ARFIP1: variants seen among roughly 807,000 people sequenced by gnomAD.
The protein encoded by ARFIP1 is arfaptin-1.
Under a neutral mutation model 42.5 loss-of-function variants are expected in ARFIP1, and 24 were observed. The observed-to-expected ratio is 0.57, with a 90% CI of 0.41 to 0.80. The LOEUF (loss-of-function observed/expected upper bound fraction) is 0.80, where lower values mean the gene tolerates loss of function less well. Among genes scored for constraint, ARFIP1 ranks in the 30% least tolerant of loss-of-function variants. The probability of loss-of-function intolerance (pLI) is 0.00; values close to 1 mark genes in which losing one functional copy is unlikely to be tolerated. For missense variants in ARFIP1, 354 were observed against 434.0 expected (o/e 0.82, Z 1.64); for synonymous variants, 141 against 153.7 (o/e 0.92, Z 0.61).
At chr4:152,821,465 A>G (rs1730361048) in intron 1 of ARFIP1, among the ~76,000 whole-genome samples, 1 of 152,212 alleles carries the variant, frequency 6.6e-6, no homozygotes, top group Admixed American at 6.5e-5. Flanking sequence ...ATTAAAAGAA[A>G]TGAACAAAGT....
chr4:152,845,262 A>G lies in ARFIP1; in HGVS notation c.93+15536A>G, dbSNP rs74768618. On this transcript the variant is annotated intron_variant, in intron 2 of 8. Transcript: ENST00000353617. The stretch of plus-strand genomic sequence containing the variant: ...GACCTCAAAGTATAAAAATCCTACA[A>G]GAAAACCTAGGAAACACCATCTGGC... Among the ~76,000 whole-genome samples, 1,034 of 152,342 alleles carry G rather than the reference A, an allele frequency of 6.8e-3. 8 individuals carry two copies. The highest frequency in any genetic ancestry group is 0.023 in the African/African-American group (970 of 41,584).
intron 5 of ARFIP1, among the ~76,000 whole-genome samples, chr4:152,873,796 C>T (rs1031170395): frequency 2.0e-5 from 3 of 152,162 alleles, no homozygotes; most frequent in Non-Finnish European, 2.9e-5. Flanking sequence ...AACGTGGGTT[C>T]GCTCCTGCTT....
At chr4:152,880,678 T>C (rs1735762501) in intron 5 of ARFIP1, among the ~76,000 whole-genome samples, 1 of 152,242 alleles carries the variant, frequency 6.6e-6, no homozygotes, top group Non-Finnish European at 1.5e-5. Flanking sequence ...CTGTTTTAGA[T>C]AATCTACCCA....
intron 1 of ARFIP1, among the ~76,000 whole-genome samples, chr4:152,815,252 T>C (rs893211983): frequency 6.6e-6 from 1 of 152,222 alleles, no homozygotes. Context: ...ATTTGCATAC[T>C]GTCAGTGGCT....
At chr4:152,895,447 T>A (rs1404826233) in intron 8 of ARFIP1, among the ~76,000 whole-genome samples, 1 of 151,512 alleles carries the variant, frequency 6.6e-6, no homozygotes, top group Admixed American at 6.6e-5. Flanking sequence ...AGTGCAGTGG[T>A]GCAGTCATAG....
At chr4:152,819,358 T>C (rs1730169463) in intron 1 of ARFIP1, among the ~76,000 whole-genome samples, 1 of 152,214 alleles carries the variant, frequency 6.6e-6, no homozygotes, top group African/African-American at 2.4e-5. Context: ...ATTACTGCTA[T>C]GCTGGCATTT....
rs1561108582 is a variant in ARFIP1, at chr4:152,804,271, T to TATATAATATAACATGTATTATATATA, written c.-10+24050_-10+24051insATATAACATGTATTATATATAATATA. On this transcript the variant is annotated intron_variant, in intron 1 of 8. Coordinates refer to ENST00000353617, the MANE Select transcript of ARFIP1 (RefSeq NM_001025595.3). ...ATAATATAACATGTATTATATATTA[T>TATATAATATAACATGTATTATATATA]ATATATAACATAACATGTATTATAT... Among the ~76,000 whole-genome samples, 9 of 58,822 alleles carry TATATAATATAACATGTATTATATATA rather than the reference T, an allele frequency of 1.5e-4. 1 individual carries two copies. Among genetic ancestry groups the TATATAATATAACATGTATTATATATA allele is most frequent in the African/African-American group, 8.8e-4 (9 of 10,212 alleles). 38.6% of individuals were successfully genotyped at this position (58,822 alleles called of 152,430 possible).
intron 1 of ARFIP1, among the ~76,000 whole-genome samples, chr4:152,812,495 T>C (rs968879110): frequency 6.6e-6 from 1 of 152,212 alleles, no homozygotes. Context: ...TCTGGCCTTC[T>C]CTTCCTTTTA....
chr4:152,808,283 A>ATTTTTTTTTTTTTTTTTTTTTT lies in ARFIP1; in HGVS notation c.-9-21329_-9-21308dup, dbSNP rs61135783. On this transcript the variant is annotated intron_variant, in intron 1 of 8. Transcript: ENST00000353617. ...GTGTGAGCCACCACGCCTGGCCTCC[A>ATTTTTTTTTTTTTTTTTTTTTT]TTTTTTTTTTTTTTTTTTTTTTTTT... is the stretch of plus-strand genomic sequence containing the variant. 3.7e-3 allele frequency among the ~76,000 whole-genome samples: 76 copies of ATTTTTTTTTTTTTTTTTTTTTT among 20,310 alleles called. 16 individuals carry two copies. Among genetic ancestry groups the ATTTTTTTTTTTTTTTTTTTTTT allele is most frequent in the Non-Finnish European group, 4.7e-3 (47 of 10,038 alleles). 13.3% of individuals were successfully genotyped at this position (20,310 alleles called of 152,430 possible). A position where few individuals can be genotyped will look rare whatever the true frequency, so the allele number is the denominator to read the frequency against.
intron 1 of ARFIP1, among the ~76,000 whole-genome samples, chr4:152,792,359 G>A (rs575154508): frequency 1.3e-5 from 2 of 152,188 alleles, no homozygotes; most frequent in South Asian, 4.1e-4. Context: ...GAAGACTTAT[G>A]TGTGTTGTTT....
chr4:152,855,702 G>T (rs956574993), intron 2 of ARFIP1, among the ~76,000 whole-genome samples: 4 of 152,132 alleles, frequency 2.6e-5, no homozygotes, highest in Admixed American at 6.5e-5. Context: ...TTCCTTTCTG[G>T]GGCAGTGCCA....
intron 8 of ARFIP1, among the ~76,000 whole-genome samples, chr4:152,895,989 GT>G (rs1737290016): frequency 6.6e-6 from 1 of 152,156 alleles, no homozygotes; most frequent in African/African-American, 2.4e-5. Flanking sequence ...AATACAAGCT[GT>G]GGTAAGTGTG....
At chr4:152,894,300 GTATT>G (rs1737125063) in intron 8 of ARFIP1, among the ~76,000 whole-genome samples, 2 of 151,738 alleles carry the variant, frequency 1.3e-5, no homozygotes, top group Non-Finnish European at 2.9e-5. Flanking sequence ...GAGGGCAGAA[GTATT>G]CTTTGCTTAC....
chr4:152,804,807 A>C (rs1031913485), intron 1 of ARFIP1, among the ~76,000 whole-genome samples: 1 of 152,078 alleles, frequency 6.6e-6, no homozygotes, highest in Non-Finnish European at 1.5e-5. Flanking sequence ...AATGTGAAAA[A>C]CATAGACTAG....
intron 2 of ARFIP1, among the ~76,000 whole-genome samples, chr4:152,845,588 A>G (rs1461797283): frequency 6.6e-6 from 1 of 152,202 alleles, no homozygotes; most frequent in African/African-American, 2.4e-5. Flanking sequence ...TAGCCAACAA[A>G]CATATGAAAA....
chr4:152,808,265 C>T (rs1053211797), intron 1 of ARFIP1, among the ~76,000 whole-genome samples: 2 of 113,220 alleles, frequency 1.8e-5, no homozygotes, highest in Admixed American at 8.9e-5. Flanking sequence ...CAGGTGTGAG[C>T]CACCACGCCT....
intron 1 of ARFIP1, among the ~76,000 whole-genome samples, chr4:152,797,524 G>A (rs1430290507): frequency 6.6e-6 from 1 of 152,032 alleles, no homozygotes; most frequent in Admixed American, 6.6e-5. Flanking sequence ...GTATTGTATC[G>A]AATTTATAAA....
intron 1 of ARFIP1, among the ~76,000 whole-genome samples, chr4:152,807,846 G>A (rs554063551): frequency 5.3e-5 from 8 of 151,996 alleles, no homozygotes; most frequent in South Asian, 2.1e-4. Context: ...TCATGACTCC[G>A]TACTATTCCA....
At chr4:152,895,293 T>C (rs1737214642) in intron 8 of ARFIP1, among the ~76,000 whole-genome samples, 1 of 152,176 alleles carries the variant, frequency 6.6e-6, no homozygotes, top group Non-Finnish European at 1.5e-5. Context: ...AAAACAAATA[T>C]AGGTAAAACA....
Sources: allele counts gnomAD v4.1 joint callset (sites outside exome capture counted in the v4.1 genomes callset), GRCh38; gene constraint gnomAD v4.1.1; transcripts MANE v1.5; gene names NCBI Gene and HGNC (gene_info 2026-07-23, HGNC 2026-07-21).